The following L3MBTL4 variants were observed in gnomAD, a reference collection of about 807,000 sequenced individuals.
L3MBTL4 encodes the protein L3MBTL histone methyl-lysine binding protein 4.
L3MBTL4 carries 70 observed loss-of-function variants against 84.5 expected under a neutral mutation model. That is an observed-to-expected ratio of 0.83 (90% CI 0.68 to 1.01). L3MBTL4 has a LOEUF of 1.01. Among genes scored for constraint, L3MBTL4 ranks in the 50% least tolerant of loss-of-function variants. L3MBTL4 has a pLI of 0.00. For missense variants in L3MBTL4, 715 were observed against 754.8 expected (o/e 0.95, Z 0.62); for synonymous variants, 274 against 259.8 (o/e 1.05, Z -0.52).
At chr18:6,085,102 T>C (rs914834039) in intron 15 of L3MBTL4, among the ~76,000 whole-genome samples, 1 of 152,212 alleles carries the variant, frequency 6.6e-6, no homozygotes, top group African/African-American at 2.4e-5. Context: ...ACAGTATGTT[T>C]AGTTTGCAAA....
chr18:6,084,974 T>C (rs2058211680), intron 15 of L3MBTL4, among the ~76,000 whole-genome samples: 1 of 152,184 alleles, frequency 6.6e-6, no homozygotes, highest in African/African-American at 2.4e-5. Context: ...TTATGGGGCC[T>C]GCACAAGCTT....
At chr18:6,005,993 T>C (rs1312729737) in intron 16 of L3MBTL4, among the ~76,000 whole-genome samples, 1 of 143,898 alleles carries the variant, frequency 6.9e-6, no homozygotes, top group South Asian at 2.2e-4. Context: ...TTTTATATTG[T>C]GTATATTTTA....
intron 16 of L3MBTL4, among the ~76,000 whole-genome samples, chr18:6,076,449 T>C (rs761791356): frequency 8.5e-5 from 13 of 152,192 alleles, no homozygotes; most frequent in Non-Finnish European, 1.8e-4. Context: ...GCAGGAGGAA[T>C]GATAGGGGTC....
At chr18:6,342,049 A>G (rs2052632301) in intron 1 of L3MBTL4, among the ~76,000 whole-genome samples, 1 of 152,178 alleles carries the variant, frequency 6.6e-6, no homozygotes, top group South Asian at 2.1e-4. Flanking sequence ...TCCTTAAGAA[A>G]TAGAGACAGA....
chr18:6,046,672 T>G, intron 16 of L3MBTL4: 1 of 740,540 alleles, frequency 1.4e-6, no homozygotes, highest in Non-Finnish European at 2.5e-6. Context: ...ATAACAAAAC[T>G]AAGGCAGAAG....
chr18:6,180,671 G>A (rs1029075899), intron 12 of L3MBTL4, among the ~76,000 whole-genome samples: 2 of 152,172 alleles, frequency 1.3e-5, no homozygotes. Flanking sequence ...AATTCATCAG[G>A]TTTCTTAAAG....
chr18:6,328,393 T>C (rs1005122447), intron 1 of L3MBTL4, among the ~76,000 whole-genome samples: 2 of 152,184 alleles, frequency 1.3e-5, no homozygotes, highest in Non-Finnish European at 2.9e-5. Flanking sequence ...GGACAGACTA[T>C]ACTCATTACA....
At chr18:5,987,074 G>C (rs1192642899) in intron 16 of L3MBTL4, among the ~76,000 whole-genome samples, 3 of 152,198 alleles carry the variant, frequency 2.0e-5, no homozygotes, top group Non-Finnish European at 4.4e-5. Flanking sequence ...CTGCTTCGCT[G>C]ACCCTGAAGG....
chr18:6,410,898 A>G (rs1227700670), intron 1 of L3MBTL4, among the ~76,000 whole-genome samples: 3 of 152,172 alleles, frequency 2.0e-5, no homozygotes, highest in Non-Finnish European at 4.4e-5. Context: ...CAAAATGAAG[A>G]AGGTTCACCA....
intron 13 of L3MBTL4, among the ~76,000 whole-genome samples, chr18:6,142,607 T>C (rs193098991): frequency 9.5e-4 from 145 of 152,216 alleles, no homozygotes; most frequent in East Asian, 2.7e-3. Context: ...TTTAAACGAA[T>C]CAGAGGAAGT....
chr18:6,306,819 C>A (rs1157765369), intron 3 of L3MBTL4, among the ~76,000 whole-genome samples: 1 of 152,292 alleles, frequency 6.6e-6, no homozygotes, highest in South Asian at 2.1e-4. Context: ...GTTCTACAGA[C>A]AAAGAAGCTG....
chr18:6,087,927 A>G (rs1434647765), intron 15 of L3MBTL4, among the ~76,000 whole-genome samples: 2 of 152,234 alleles, frequency 1.3e-5, no homozygotes, highest in African/African-American at 4.8e-5. Context: ...ACCATTTTAC[A>G]GGTGAAGGAA....
intron 17 of L3MBTL4, among the ~76,000 whole-genome samples, chr18:5,965,230 G>A (rs1377426067): frequency 6.6e-6 from 1 of 152,184 alleles, no homozygotes; most frequent in African/African-American, 2.4e-5. Context: ...AAGAGAGACA[G>A]CCATAGTAAC....
At chr18:6,393,625 G>A (rs931336957) in intron 1 of L3MBTL4, among the ~76,000 whole-genome samples, 1 of 152,144 alleles carries the variant, frequency 6.6e-6, no homozygotes, top group African/African-American at 2.4e-5. Flanking sequence ...GCCATGGGGG[G>A]CTCCTCTCTC....
intron 13 of L3MBTL4, among the ~76,000 whole-genome samples, chr18:6,153,996 A>G (rs541196164): frequency 7.2e-5 from 11 of 152,210 alleles, no homozygotes; most frequent in Admixed American, 5.9e-4. Context: ...AGATTACAGT[A>G]TCAGCAAACA....
At chr18:6,351,652 C>T (rs188352105) in intron 1 of L3MBTL4, among the ~76,000 whole-genome samples, 76 of 151,966 alleles carry the variant, frequency 5.0e-4, no homozygotes, top group Middle Eastern at 3.4e-3. Context: ...CCCGGGTTCA[C>T]GCCATTCTCC....
chr18:6,000,453 C>A (rs1427366932), intron 16 of L3MBTL4, among the ~76,000 whole-genome samples: 2 of 152,008 alleles, frequency 1.3e-5, no homozygotes, highest in Non-Finnish European at 2.9e-5. Context: ...GAGAATGGAC[C>A]TTGCATAACC....
rs1464865525 is a variant in L3MBTL4, at chr18:6,409,493, C to G, written c.-91+5308G>C. The stretch of plus-strand genomic sequence containing the variant: ...AGGGGAAAATGAGATAAAAATGGTC[C>G]ATTCGGCACATCCAATAATGCAGAC... On this transcript the variant is annotated intron_variant, in intron 1 of 18. Transcript: ENST00000317931. 2.6e-5 allele frequency among the ~76,000 whole-genome samples: 4 copies of G among 152,046 alleles called. No individual in the cohort carries two copies. In the East Asian group the frequency reaches 7.7e-4, roughly 29 times the overall value.
intron 1 of L3MBTL4, among the ~76,000 whole-genome samples, chr18:6,402,263 C>T (rs1397336590): frequency 6.6e-6 from 1 of 152,206 alleles, no homozygotes; most frequent in Admixed American, 6.5e-5. Context: ...GCACAATCTA[C>T]ATTGCCATCT....
Sources: gnomAD v4.1 joint callset for allele counts (sites outside exome capture counted in the v4.1 genomes callset) on GRCh38, gnomAD v4.1.1 for gene constraint, MANE v1.5 for transcripts, NCBI Gene and HGNC (gene_info 2026-07-23, HGNC 2026-07-21) for gene names.